Variants in PSMG4 observed in about 807,000 individuals in gnomAD.
PSMG4 encodes the protein proteasome (prosome, macropain) assembly chaperone 4.
In PSMG4, 10 loss-of-function variants were observed where a neutral mutation model predicts 11.0. The ratio of observed to expected loss-of-function variants is 0.91; its 90% CI spans 0.56 to 1.54. The LOEUF is 1.54. PSMG4 is among the 40% of genes most tolerant of loss of function. PSMG4 has a pLI of 0.00. For missense variants in PSMG4, 198 were observed against 160.9 expected (o/e 1.23, Z -1.25); for synonymous variants, 95 against 71.3 (o/e 1.33, Z -1.68).
chr6:3,262,020 A>G (rs1017513222), intron 1 of PSMG4, among the ~76,000 whole-genome samples: 4 of 152,156 alleles, frequency 2.6e-5, no homozygotes, highest in Non-Finnish European at 5.9e-5. Context: ...TAGAGAACAG[A>G]CACCATGCAA....
At position 3,264,361 on chromosome 6, in the gene PSMG4, A is replaced by C. The variant is rs779796255; in HGVS notation, c.250+602A>C. 3.0e-5 allele frequency: 46 copies of C among 1,538,208 alleles called. No individual in the cohort carries two copies. The Middle Eastern group carries it at 8.6e-4, about 29-fold the overall frequency. On this transcript the variant is annotated intron_variant, in intron 2 of 2. Transcript: ENST00000438998. ...CATGTGCTCTGCGACCCCCAGCCCC[A>C]GTGCCTGTGGCCAGTGTGCACAGGA...
At chr6:3,254,707 G>A (rs898040850), upstream of PSMG4, among the ~76,000 whole-genome samples, 1 of 152,176 alleles carries the variant, frequency 6.6e-6, no homozygotes. Flanking sequence ...GCTGTGGGAT[G>A]CGCCTGGACA....
At chr6:3,257,444 C>T (rs1345924561), upstream of PSMG4, among the ~76,000 whole-genome samples, 2 of 152,318 alleles carry the variant, frequency 1.3e-5, no homozygotes, top group East Asian at 3.9e-4. Flanking sequence ...TTGAACTCTC[C>T]ACCGGTCGGT....
chr6:3,255,052 A>G (rs1403132445), upstream of PSMG4: 2 of 1,550,646 alleles, frequency 1.3e-6, no homozygotes, highest in African/African-American at 1.4e-5. Context: ...TCTGGACAGG[A>G]ACAAACACAC....
upstream of PSMG4, among the ~76,000 whole-genome samples, chr6:3,255,841 T>C (rs569760761): frequency 5.0e-4 from 76 of 150,652 alleles, no homozygotes; most frequent in Non-Finnish European, 3.0e-5. Context: ...TGTAAATGAA[T>C]GTCGTCCATC....
upstream of PSMG4, chr6:3,254,962 A>G (rs2127251309): frequency 5.0e-6 from 7 of 1,394,088 alleles, no homozygotes; most frequent in Non-Finnish European, 6.8e-6. Flanking sequence ...GGTGTTGCAG[A>G]GCATGTGATG....
chr6:3,265,374 T>A (rs1477355572), intron 2 of PSMG4: 1 of 150,884 alleles, frequency 6.6e-6, no homozygotes, highest in East Asian at 2.0e-4. Context: ...GCCTGGGGGG[T>A]TCTCAGTAGC....
chr6:3,264,415 C>T, intron 2 of PSMG4: 1 of 1,486,216 alleles, frequency 6.7e-7, no homozygotes. Context: ...GCCTGGCGTT[C>T]TCCAGTAGGC....
chr6:3,258,933 GTC>G (rs910067891), upstream of PSMG4: 57 of 1,181,622 alleles, frequency 4.8e-5, no homozygotes, highest in Middle Eastern at 6.4e-4. Context: ...AGCGCGCTCG[GTC>G]TCTCGGTGCT....
upstream of PSMG4, among the ~76,000 whole-genome samples, chr6:3,255,593 C>G (rs77520816): frequency 1.3e-5 from 2 of 152,176 alleles, no homozygotes; most frequent in African/African-American, 2.4e-5. Context: ...AGACCCACTG[C>G]CTGAGTGAGG....
At chr6:3,264,159 G>A in intron 2 of PSMG4, 9 of 1,548,664 alleles carry the variant, frequency 5.8e-6, no homozygotes, top group Non-Finnish European at 7.9e-6. Context: ...TGGAGCAGGT[G>A]TCACCTCTGT....
chr6:3,255,325 A>G (rs572072511), upstream of PSMG4: 84 of 1,494,428 alleles, frequency 5.6e-5, no homozygotes, highest in East Asian at 6.0e-4. Flanking sequence ...GGCTAACGGC[A>G]ACTGGTGGAG....
chr6:3,255,302 G>C, upstream of PSMG4: 1 of 1,522,096 alleles, frequency 6.6e-7, no homozygotes, highest in Non-Finnish European at 8.8e-7. Flanking sequence ...CATCCTGGGA[G>C]AGTGGTGGAT....
At chr6:3,255,067 A>G (rs1266724144), upstream of PSMG4, 3 of 1,550,962 alleles carry the variant, frequency 1.9e-6, no homozygotes, top group African/African-American at 1.4e-5. Context: ...ACACACTTGG[A>G]ATATGCTTCT....
upstream of PSMG4, among the ~76,000 whole-genome samples, chr6:3,256,644 A>G (rs1029792751): frequency 2.6e-5 from 4 of 152,196 alleles, no homozygotes; most frequent in Admixed American, 1.3e-4. Flanking sequence ...CTGACCATCC[A>G]TTCTTGATTT....
chr6:3,259,568 C>G (rs1405566910), intron 1 of PSMG4, among the ~76,000 whole-genome samples: 1 of 152,252 alleles, frequency 6.6e-6, no homozygotes, highest in Non-Finnish European at 1.5e-5. Context: ...TGCGTCTCCA[C>G]TGGATGTCTC....
intron 1 of PSMG4, among the ~76,000 whole-genome samples, chr6:3,262,872 A>G (rs4999703): frequency 0.7 from 103,395 of 148,556 alleles, 38,359 homozygotes; most frequent in Non-Finnish European, 0.83. Flanking sequence ...GTAGAGACAG[A>G]TCTTACTTCA....
At chr6:3,259,560 C>G (rs78827848) in intron 1 of PSMG4, among the ~76,000 whole-genome samples, 3,556 of 152,324 alleles carry the variant, frequency 0.023, 63 homozygotes, top group South Asian at 0.042. Context: ...GGGACTCTTG[C>G]GTCTCCACTG....
upstream of PSMG4, chr6:3,255,375 ATGTT>A (rs1208696419): frequency 1.1e-5 from 15 of 1,416,144 alleles, no homozygotes; most frequent in Middle Eastern, 2.6e-4. Flanking sequence ...GTGGTGGATG[ATGTT>A]TGTTGAGTGA....
Sources: gnomAD v4.1 joint callset for allele counts (sites outside exome capture counted in the v4.1 genomes callset) on GRCh38, gnomAD v4.1.1 for gene constraint, MANE v1.5 for transcripts, NCBI Gene and HGNC (gene_info 2026-07-23, HGNC 2026-07-21) for gene names.